The following PTPRA variants were observed in gnomAD, a reference collection of about 807,000 sequenced individuals.
The protein encoded by PTPRA is protein tyrosine phosphatase receptor type A, also known as receptor-type tyrosine-protein phosphatase alpha.
A neutral mutation model predicts 104.8 loss-of-function variants in PTPRA; 25 were observed. The observed-to-expected ratio is 0.24, with a 90% CI of 0.17 to 0.33. The LOEUF is 0.33. Ranked by LOEUF, PTPRA falls within the 10% of genes least tolerant of loss-of-function variation. PTPRA has a pLI of 1.00. For synonymous variants in PTPRA, 323 were observed against 368.9 expected, an observed-to-expected ratio of 0.88 and a Z score of 1.43; for missense variants, 765 against 1,015.3, an observed-to-expected ratio of 0.75 and a Z score of 3.35.
At chr20:3,012,094 A>G (rs1314726798) in intron 11 of PTPRA, among the ~76,000 whole-genome samples, 1 of 152,216 alleles carries the variant, frequency 6.6e-6, no homozygotes, top group East Asian at 1.9e-4. Flanking sequence ...TCAAGCTAGA[A>G]GGGAGCAGGA....
chr20:2,929,070 A>T (rs2060414012), intron 2 of PTPRA, among the ~76,000 whole-genome samples: 1 of 151,894 alleles, frequency 6.6e-6, no homozygotes, highest in Admixed American at 6.6e-5. Context: ...AGCTCAAGTG[A>T]TCCTTCTGCC....
Position 2,975,195 on chromosome 20 carries a change from AT to A in PTPRA, c.416-14del. On this transcript the variant is annotated intron_variant, in intron 5 of 23. Transcript: ENST00000399903. ...TTCTTTAACCTGAATGAATGTTTCT[AT>A]TTTTTACTTATTACACAGGTAATTC... The A allele has an allele frequency of 6.4e-7, 1 of 1,573,200 alleles. No individual in the cohort carries two copies. Among genetic ancestry groups the A allele is most frequent in the Non-Finnish European group, 8.7e-7 (1 of 1,146,466 alleles).
intron 2 of PTPRA, among the ~76,000 whole-genome samples, chr20:2,938,131 C>T (rs1468734231): frequency 6.6e-6 from 1 of 152,092 alleles, no homozygotes; most frequent in Admixed American, 6.6e-5. Context: ...CCAGCCTGGA[C>T]AACATAGTGA....
At position 2,873,550 on chromosome 20, in the gene PTPRA, C is replaced by T. The variant is rs934254378; in HGVS notation, c.-339C>T. 3 of 151,674 alleles carry T rather than the reference C, an allele frequency of 2.0e-5. No homozygotes were observed. The highest frequency in any genetic ancestry group is 2.9e-5 in the Non-Finnish European group (2 of 67,824). The allele number at this position is 151,674 out of a possible 1,614,324, so 9.4% of individuals were successfully genotyped here. ...CGCGCGCGCGCGATCGCGCTCGGAC[C>T]CCGGCCGCTGCCGCCATCACTGTCG... On this transcript the variant is annotated 5_prime_UTR_variant, in exon 1 of 24. Transcript: ENST00000399903. The surrounding 1 kb of genome is among the most constrained non-coding windows in gnomAD (Gnocchi z 4.4).
chr20:2,947,994 A>C lies in PTPRA; in HGVS notation c.-37A>C, dbSNP rs2061201717. 9.1e-7 allele frequency: 1 copy of C among 1,095,838 alleles called. No homozygotes were observed. Among genetic ancestry groups the C allele is most frequent in the Non-Finnish European group, 1.2e-6 (1 of 816,126 alleles). 67.9% of individuals were successfully genotyped at this position (1,095,838 alleles called of 1,614,324 possible). On this transcript the variant is annotated 5_prime_UTR_variant, in exon 3 of 24. Coordinates refer to ENST00000399903, the MANE Select transcript of PTPRA (RefSeq NM_001385305.1). ...TCTTTTTTTCTAGGACACATGTTCAAAGAGCATAATTAACTTTTTAAAAGA... is the reference window on the plus strand; with the variant it reads ...TCTTTTTTTCTAGGACACATGTTCACAGAGCATAATTAACTTTTTAAAAGA...
At chr20:2,894,057 GTTAA>G (rs1035414478) in intron 1 of PTPRA, among the ~76,000 whole-genome samples, 3 of 152,022 alleles carry the variant, frequency 2.0e-5, no homozygotes, top group Non-Finnish European at 2.9e-5. Context: ...GAAAAAAGTA[GTTAA>G]TTATTTTTGG....
intron 11 of PTPRA, among the ~76,000 whole-genome samples, chr20:3,011,112 C>T (rs1384796079): frequency 6.6e-6 from 1 of 152,178 alleles, no homozygotes; most frequent in Non-Finnish European, 1.5e-5. Flanking sequence ...ATCCCTTGAC[C>T]ATGTTTATTT....
At position 3,024,596 on chromosome 20, in the gene PTPRA, A is replaced by G. The variant is rs778743622; in HGVS notation, c.1589A>G (p.Asn530Ser). ...TACAACAAAATCCCAGGGACCAGCAACAATGGATTAGAGGAGGAGTTTAAG... is the reference window on the plus strand; with the variant it reads ...TACAACAAAATCCCAGGGACCAGCAGCAATGGATTAGAGGAGGAGTTTAAG... ...KIYNKIPGTS[N>S]NGLEEEFKKL... Residue 530 changes from asparagine (N) to serine (S), a missense_variant, in exon 17 of 24, where the codon AAC becomes AGC. By Grantham distance (46) the Asn-to-Ser change is conservative (BLOSUM62 1). Around this residue, in one of 4 missense-constraint regions of PTPRA, gnomAD observed 192 missense variants for 227.0 expected, o/e 0.85. Transcript: ENST00000399903. The G allele has an allele frequency of 2.5e-6, 4 of 1,614,232 alleles. No individual in the cohort carries two copies. Among genetic ancestry groups the G allele is most frequent in the Admixed American group, 3.3e-5 (2 of 60,024 alleles).
At chr20:3,033,074 C>G (rs571809361) in intron 20 of PTPRA, among the ~76,000 whole-genome samples, 1 of 151,930 alleles carries the variant, frequency 6.6e-6, no homozygotes, top group Admixed American at 6.6e-5. Flanking sequence ...ATACTAGACT[C>G]GGGCGCTAGC....
chr20:2,924,152 C>CT (rs955990142), intron 2 of PTPRA, among the ~76,000 whole-genome samples: 52 of 152,160 alleles, frequency 3.4e-4, no homozygotes, highest in Non-Finnish European at 5.9e-5. Flanking sequence ...GGTGTGGTGG[C>CT]TTACACCTGT....
chr20:2,917,018 C>T (rs1161495438), intron 1 of PTPRA, among the ~76,000 whole-genome samples: 3 of 140,462 alleles, frequency 2.1e-5, no homozygotes, highest in African/African-American at 5.4e-5. Context: ...AGTGCAGTGG[C>T]GTGGTCTTGG....
At chr20:3,023,573 G>T (rs972047546) in intron 16 of PTPRA, among the ~76,000 whole-genome samples, 6 of 152,166 alleles carry the variant, frequency 3.9e-5, no homozygotes, top group Non-Finnish European at 7.3e-5. Flanking sequence ...TCTGGCCTAC[G>T]TGCACATCAA....
chr20:3,006,201 T>A (rs919596465), intron 10 of PTPRA, among the ~76,000 whole-genome samples: 3 of 152,088 alleles, frequency 2.0e-5, no homozygotes, highest in Admixed American at 6.5e-5. Flanking sequence ...AATTTTTTAT[T>A]TCATTTATTT....
chr20:3,006,479 C>G (rs980608161), intron 10 of PTPRA, among the ~76,000 whole-genome samples: 2 of 152,186 alleles, frequency 1.3e-5, no homozygotes, highest in South Asian at 4.1e-4. Flanking sequence ...ACATCTAGAC[C>G]CTAAAAATTT....
upstream of PTPRA, among the ~76,000 whole-genome samples, chr20:2,872,288 C>G (rs1295835603): frequency 6.6e-6 from 1 of 152,224 alleles, no homozygotes; most frequent in East Asian, 1.9e-4. The surrounding 1 kb of genome is among the most constrained non-coding windows in gnomAD (Gnocchi z 7.9). Context: ...GAGTTGCCGC[C>G]GGTCACAACC....
In PTPRA at chr20:3,015,851, C is replaced by A; in HGVS notation, c.909C>A (p.Gly303=). 1 of 1,555,064 alleles carries A rather than the reference C, an allele frequency of 6.4e-7. No individual in the cohort carries two copies. Among genetic ancestry groups the A allele is most frequent in the Non-Finnish European group, 8.9e-7 (1 of 1,127,712 alleles). Reference sequence around the variant, plus strand: ...TTCTTTCCTTCCCCACACCCCAGGGCTACCAAGAAAAGAACAAATTCATTG... The same window carrying A: ...TTCTTTCCTTCCCCACACCCCAGGGATACCAAGAAAAGAACAAATTCATTG... ...SDYINASFIN[G]YQEKNKFIAA... The change falls in exon 12 of 24, where the codon GGC becomes GGA. Residue 303 remains glycine (G), a splice_region_variant and synonymous_variant. Coordinates refer to ENST00000399903, the MANE Select transcript of PTPRA (RefSeq NM_001385305.1).
intron 6 of PTPRA, among the ~76,000 whole-genome samples, chr20:2,982,507 C>T (rs2062724720): frequency 6.6e-6 from 1 of 151,988 alleles, no homozygotes; most frequent in Non-Finnish European, 1.5e-5. Flanking sequence ...GTGTGAGACC[C>T]TGTGCTAGGT....
At chr20:2,993,285 C>T (rs531976745) in intron 9 of PTPRA, among the ~76,000 whole-genome samples, 1 of 152,204 alleles carries the variant, frequency 6.6e-6, no homozygotes, top group East Asian at 1.9e-4. Context: ...GAGGAGATAC[C>T]CTGACGTGCT....
intron 6 of PTPRA, among the ~76,000 whole-genome samples, chr20:2,984,322 C>T (rs2062812962): frequency 6.6e-6 from 1 of 152,098 alleles, no homozygotes; most frequent in South Asian, 2.1e-4. Flanking sequence ...TCTCACTGTC[C>T]TTTTTCTATC....
Sources: gnomAD v4.1 joint callset for allele counts (sites outside exome capture counted in the v4.1 genomes callset) on GRCh38, gnomAD v4.1.1 for gene constraint, gnomAD v4.1.1 regional missense constraint, Gnocchi (gnomAD v3.1) non-coding constraint, MANE v1.5 for transcripts, NCBI Gene and HGNC (gene_info 2026-07-23, HGNC 2026-07-21) for gene names.